The following GLP1R variants were observed in gnomAD, a reference collection of about 807,000 sequenced individuals.
GLP1R encodes glucagon-like peptide 1 receptor.
GLP1R carries 32 observed loss-of-function variants against 68.4 expected under a neutral mutation model. That is an observed-to-expected ratio of 0.47 (90% CI 0.35 to 0.63). GLP1R has a LOEUF of 0.63. Among genes scored for constraint, GLP1R ranks in the 20% least tolerant of loss-of-function variants. The pLI, the probability that GLP1R is intolerant of heterozygous loss-of-function variation, is 0.00. For synonymous variants in GLP1R, 263 were observed against 244.4 expected (o/e 1.08, Z -0.71); for missense variants, 502 against 594.9 (o/e 0.84, Z 1.62).
At chr6:39,060,092 A>C (rs1300478466) in intron 3 of GLP1R, among the ~76,000 whole-genome samples, 2 of 152,158 alleles carry the variant, frequency 1.3e-5, no homozygotes, top group African/African-American at 4.8e-5. Flanking sequence ...GGATGCTCAG[A>C]GACAACTACC....
rs1407461234 is a variant in GLP1R at position 39,089,284 on chromosome 6, T to A, written c.*3211T>A. On this transcript the variant is annotated 3_prime_UTR_variant, in exon 13 of 13. Transcript: ENST00000373256. The surrounding 1 kb of genome is among the most constrained non-coding windows in gnomAD (Gnocchi z 4.1). ...GCACTCTTTTAATGGATTGGCTTAA[T>A]TTTTTTTTCTGATGCCTCTCTATGT... Among the ~76,000 whole-genome samples the A allele has an allele frequency of 6.6e-6, 1 of 151,288 alleles. No individual in the cohort carries two copies. The highest frequency in any genetic ancestry group is 2.5e-5 in the African/African-American group (1 of 40,708).
At chr6:39,066,868 G>C (rs529255210) in intron 5 of GLP1R, among the ~76,000 whole-genome samples, 2 of 152,308 alleles carry the variant, frequency 1.3e-5, no homozygotes, top group East Asian at 3.9e-4. Context: ...GATTCTGAGA[G>C]AATGAGACCT....
At chr6:39,083,595 C>T (rs1289664714) in intron 12 of GLP1R, among the ~76,000 whole-genome samples, 1 of 152,222 alleles carries the variant, frequency 6.6e-6, no homozygotes, top group African/African-American at 2.4e-5. Flanking sequence ...CTTGTCCCAG[C>T]CCTGCCACTG....
In GLP1R at chr6:39,086,080, A is replaced by T; in HGVS notation, c.*7A>T. 1 of 1,612,790 alleles carries T rather than the reference A, an allele frequency of 6.2e-7. No homozygotes were observed. The highest frequency in any genetic ancestry group is 8.5e-7 in the Non-Finnish European group (1 of 1,179,470). ...CCAGGCCTCCTGCAGCTGAGACTCC[A>T]GCGCCTGCCCTCCCTGGGGTCCTTG... is the stretch of plus-strand genomic sequence containing the variant. On this transcript the variant is annotated 3_prime_UTR_variant, in exon 13 of 13. Transcript: ENST00000373256. This position sits in a 1 kb window ranked among gnomAD's most constrained non-coding sequence, Gnocchi z 4.5.
chr6:39,052,337 G>T (rs1350891277), intron 1 of GLP1R, among the ~76,000 whole-genome samples: 1 of 152,134 alleles, frequency 6.6e-6, no homozygotes, highest in African/African-American at 2.4e-5. Context: ...GGGGTGATTT[G>T]ACTTCTGGGA....
At chr6:39,054,966 C>CT (rs890444104) in intron 1 of GLP1R, among the ~76,000 whole-genome samples, 13 of 152,190 alleles carry the variant, frequency 8.5e-5, no homozygotes, top group African/African-American at 3.1e-4. Context: ...ATTTCTTGTT[C>CT]TTTTTTTCCC....
At chr6:39,067,318 C>T (rs921052008) in intron 5 of GLP1R, among the ~76,000 whole-genome samples, 1 of 152,160 alleles carries the variant, frequency 6.6e-6, no homozygotes, top group Admixed American at 6.5e-5. Context: ...AGCAAAATAC[C>T]TTAGACTGGG....
At chr6:39,078,438 A>G (rs1212316311) in intron 8 of GLP1R, 56 bp downstream of exon 8, 19 of 1,211,776 alleles carry the variant, frequency 1.6e-5, no homozygotes, top group East Asian at 4.7e-5. Flanking sequence ...CTCAAGGTCC[A>G]TGGGATTCCT....
chr6:39,064,963 C>T (rs1768463333), intron 3 of GLP1R, among the ~76,000 whole-genome samples: 1 of 152,214 alleles, frequency 6.6e-6, no homozygotes, highest in South Asian at 2.1e-4. Context: ...GGGCTATCTC[C>T]ATTTCCAACC....
chr6:39,071,844 C>T (rs556568718), intron 5 of GLP1R, among the ~76,000 whole-genome samples: 4 of 152,158 alleles, frequency 2.6e-5, no homozygotes, highest in Non-Finnish European at 4.4e-5. Context: ...TTTATGAATA[C>T]GGAGAGACTT....
chr6:39,050,408 A>C (rs1768059239), intron 1 of GLP1R, among the ~76,000 whole-genome samples: 1 of 152,194 alleles, frequency 6.6e-6, no homozygotes, highest in African/African-American at 2.4e-5. Context: ...AGGGAAGAGG[A>C]AAGTTTCTGT....
At chr6:39,069,392 G>A (rs1768597519) in intron 5 of GLP1R, among the ~76,000 whole-genome samples, 2 of 152,192 alleles carry the variant, frequency 1.3e-5, no homozygotes, top group East Asian at 1.9e-4. Context: ...CCAGCACTTT[G>A]GGAGGCCGAG....
At chr6:39,078,278 G>A in intron 7 of GLP1R, 44 bp from the exon 8 acceptor site, 1 of 1,436,398 alleles carries the variant, frequency 7.0e-7, no homozygotes, top group East Asian at 2.3e-5. Context: ...CTGTGGCTCT[G>A]GCCTGCCAGC....
Position 39,075,493 on chromosome 6 carries a change from G to A in GLP1R, c.823+1724G>A, listed in dbSNP as rs552820602. ...TTTGGTGGGGACACACTGCCCTAGA[G>A]GTCTCTGAGTGGGAGATGGGGGAGG... On this transcript the variant is annotated intron_variant, in intron 7 of 12. Transcript: ENST00000373256. Among the ~76,000 whole-genome samples, 9 of 152,296 alleles carry A rather than the reference G, an allele frequency of 5.9e-5. No individual in the cohort carries two copies. The East Asian group carries it at 1.7e-3, about 29-fold the overall frequency.
intron 12 of GLP1R, among the ~76,000 whole-genome samples, chr6:39,085,509 G>A (rs1206317828): frequency 6.6e-6 from 1 of 152,212 alleles, no homozygotes; most frequent in African/African-American, 2.4e-5. Flanking sequence ...CCCTTCTCAA[G>A]CATCCAAGCT....
At chr6:39,052,230 G>GA (rs1273794460) in intron 1 of GLP1R, among the ~76,000 whole-genome samples, 7 of 151,324 alleles carry the variant, frequency 4.6e-5, no homozygotes, top group Admixed American at 1.3e-4. Flanking sequence ...AGCCCTTAGG[G>GA]AAAAAAAATG....
At position 39,090,008 on chromosome 6, in the gene GLP1R, A is replaced by G. The variant is rs749292953; in HGVS notation, c.*3935A>G. 6.6e-6 allele frequency among the ~76,000 whole-genome samples: 1 copy of G among 152,150 alleles called. No individual in the cohort carries two copies. Among genetic ancestry groups the G allele is most frequent in the Non-Finnish European group, 1.5e-5 (1 of 68,022 alleles). On this transcript the variant is annotated 3_prime_UTR_variant, in exon 13 of 13. Coordinates refer to ENST00000373256, the MANE Select transcript of GLP1R (RefSeq NM_002062.5). ...CTAAACATTCAGCAGAAACCAAATT[A>G]GGATCAACTCTTAACATTTTTTCCC... is the stretch of plus-strand genomic sequence containing the variant.
intron 12 of GLP1R, among the ~76,000 whole-genome samples, chr6:39,083,857 G>A (rs538510913): frequency 6.6e-6 from 1 of 152,302 alleles, no homozygotes; most frequent in African/African-American, 2.4e-5. Context: ...CTGTGGTGTT[G>A]TCTTTGTGGG....
chr6:39,073,489 G>C (rs1031334366), intron 6 of GLP1R, 121 bp from the exon 7 acceptor site: 9 of 824,442 alleles, frequency 1.1e-5, no homozygotes, highest in Non-Finnish European at 1.8e-5. Context: ...AGCCAGAGAT[G>C]TGAGCTCTCT....
Sources: gnomAD v4.1 joint callset for allele counts (sites outside exome capture counted in the v4.1 genomes callset) on GRCh38, gnomAD v4.1.1 for gene constraint, Gnocchi (gnomAD v3.1) non-coding constraint, MANE v1.5 for transcripts, NCBI Gene and HGNC (gene_info 2026-07-23, HGNC 2026-07-21) for gene names.